The following DYTN variants were observed in gnomAD, a reference collection of about 807,000 sequenced individuals.
The protein encoded by DYTN is dystrotelin.
Under a neutral mutation model 69.6 loss-of-function variants are expected in DYTN, and 75 were observed. The observed-to-expected ratio is 1.08, with a 90% confidence interval of 0.89 to 1.31. The LOEUF is 1.31. DYTN is among the 50% of genes most tolerant of loss of function. The pLI is 0.00. For synonymous variants in DYTN, 252 were observed against 249.1 expected, an observed-to-expected ratio of 1.01 and a Z score of -0.11; for missense variants, 726 against 688.4, an observed-to-expected ratio of 1.05 and a Z score of -0.61.
At chr2:206,660,878 C>T (rs183275249) in intron 11 of DYTN, among the ~76,000 whole-genome samples, 1 of 152,196 alleles carries the variant, frequency 6.6e-6, no homozygotes, top group East Asian at 1.9e-4. Context: ...GGTTTATAGC[C>T]CTCCAACACT....
intron 9 of DYTN, among the ~76,000 whole-genome samples, chr2:206,667,450 T>C (rs1016322857): frequency 8.5e-5 from 13 of 152,160 alleles, no homozygotes; most frequent in African/African-American, 3.1e-4. Context: ...ACTGCCCTAC[T>C]TGAATACAAA....
intron 9 of DYTN, among the ~76,000 whole-genome samples, chr2:206,669,813 A>G (rs1248506842): frequency 6.6e-6 from 1 of 152,128 alleles, no homozygotes; most frequent in East Asian, 1.9e-4. Context: ...GTGTTTATTG[A>G]ACTCCTTTTC....
chr2:206,673,771 G>A (rs1013602958), intron 9 of DYTN, among the ~76,000 whole-genome samples: 6 of 152,156 alleles, frequency 3.9e-5, no homozygotes, highest in African/African-American at 9.7e-5. Context: ...GTCCGCTAAC[G>A]TGGTAAACAA....
chr2:206,704,819 A>T, intron 5 of DYTN, 24 bp downstream of exon 5: 1 of 1,590,032 alleles, frequency 6.3e-7, no homozygotes, highest in Admixed American at 1.7e-5. Context: ...ACAAATGTAC[A>T]GTTCTTAAGT....
At chr2:206,714,396 G>T (rs1407668238) in intron 1 of DYTN, among the ~76,000 whole-genome samples, 2 of 152,096 alleles carry the variant, frequency 1.3e-5, no homozygotes, top group Non-Finnish European at 2.9e-5. Context: ...TAGAGACAGG[G>T]TTTCACCGTG....
rs190783443 is a variant in DYTN, at chr2:206,680,533, T to A, written c.980+12642A>T. Among the ~76,000 whole-genome samples the A allele has an allele frequency of 2.0e-5, 3 of 152,336 alleles. No homozygotes were observed. In the East Asian group the frequency reaches 5.8e-4, roughly 29 times the overall value. On this transcript the variant is annotated intron_variant, in intron 9 of 11. Transcript: ENST00000452335. ...GCTACTTGCTTTTTTCTCTGATGCA[T>A]GATGGTGAATTCCTTCCAGTATAGT...
intron 1 of DYTN, among the ~76,000 whole-genome samples, chr2:206,711,033 T>C (rs911329235): frequency 1.3e-5 from 2 of 152,248 alleles, no homozygotes; most frequent in Non-Finnish European, 2.9e-5. Flanking sequence ...GCCCTTAGTA[T>C]ATGGCCCTGG....
intron 2 of DYTN, among the ~76,000 whole-genome samples, 173 bp downstream of exon 2, chr2:206,710,351 G>T (rs998523182): frequency 1.3e-5 from 2 of 152,168 alleles, no homozygotes; most frequent in African/African-American, 4.8e-5. Context: ...TTGCCTGCAC[G>T]TGATGTTTTC....
intron 9 of DYTN, among the ~76,000 whole-genome samples, chr2:206,685,491 T>C (rs1342535170): frequency 6.6e-6 from 1 of 152,158 alleles, no homozygotes; most frequent in Non-Finnish European, 1.5e-5. Context: ...AACCTGTTAA[T>C]TGTGGACCAA....
intron 9 of DYTN, among the ~76,000 whole-genome samples, chr2:206,691,602 A>T (rs1699863645): frequency 6.6e-6 from 1 of 152,136 alleles, no homozygotes; most frequent in South Asian, 2.1e-4. Flanking sequence ...TTTATTTTTA[A>T]ATTTAAATTC....
At chr2:206,692,617 G>A (rs1455571658) in intron 9 of DYTN, among the ~76,000 whole-genome samples, 1 of 152,162 alleles carries the variant, frequency 6.6e-6, no homozygotes, top group Non-Finnish European at 1.5e-5. Context: ...GTTCAATAAT[G>A]TATTGCTTGT....
intron 9 of DYTN, among the ~76,000 whole-genome samples, chr2:206,685,992 A>G (rs956648517): frequency 6.6e-5 from 10 of 151,962 alleles, no homozygotes; most frequent in Non-Finnish European, 1.2e-4. Flanking sequence ...TGCGGAAAAA[A>G]AAAAAAAAAG....
Position 206,694,824 on chromosome 2 carries a change from G to A in DYTN, c.773C>T (p.Ser258Phe), listed in dbSNP as rs1352011179. ...CTGATGGGACTTGCTGTGAAGACCA[G>A]ATAAGAAACACATCTGGCAGATGTC... is the stretch of plus-strand genomic sequence containing the variant. ...NFDICQMCFL[S>F]GLHSKSHQKS... is the part of the protein sequence containing the mutation. The change falls in exon 8 of 12, where the codon TCT (serine) becomes TTT (phenylalanine). Residue 258 changes from serine to phenylalanine, a missense_variant. By Grantham distance (155) the Ser-to-Phe change is radical. Transcript: ENST00000452335. The A allele has an allele frequency of 1.2e-6, 2 of 1,609,692 alleles. No homozygotes were observed. The highest frequency in any genetic ancestry group is 1.7e-6 in the Non-Finnish European group (2 of 1,178,640).
At chr2:206,697,542 A>G (rs1413768097) in intron 7 of DYTN, among the ~76,000 whole-genome samples, 1 of 152,218 alleles carries the variant, frequency 6.6e-6, no homozygotes, top group Non-Finnish European at 1.5e-5. Flanking sequence ...ACATAAGTTT[A>G]AAGTTAGGAT....
chr2:206,712,131 C>T, intron 1 of DYTN, among the ~76,000 whole-genome samples: 1 of 152,142 alleles, frequency 6.6e-6, no homozygotes, highest in Non-Finnish European at 1.5e-5. Flanking sequence ...GGTTCCTGAA[C>T]CAACCACAGC....
At chr2:206,652,276 C>T (rs1699396174) in intron 11 of DYTN, among the ~76,000 whole-genome samples, 1 of 152,108 alleles carries the variant, frequency 6.6e-6, no homozygotes, top group Non-Finnish European at 1.5e-5. Context: ...AGATTCTGTT[C>T]AGGTGGGACG....
intron 9 of DYTN, among the ~76,000 whole-genome samples, chr2:206,684,012 A>T (rs1699780591): frequency 6.6e-6 from 1 of 152,008 alleles, no homozygotes; most frequent in Non-Finnish European, 1.5e-5. Flanking sequence ...ATTCCTTTAT[A>T]TACCATTTCC....
At chr2:206,701,166 T>TCA (rs1238795586) in intron 5 of DYTN, 1 of 152,214 alleles carries the variant, frequency 6.6e-6, no homozygotes, top group East Asian at 1.9e-4. Context: ...CTGAGATAAC[T>TCA]CACTACCTTT....
chr2:206,709,556 C>G (rs1700060501), intron 2 of DYTN, among the ~76,000 whole-genome samples: 1 of 152,084 alleles, frequency 6.6e-6, no homozygotes, highest in South Asian at 2.1e-4. Flanking sequence ...TGAATCGTCC[C>G]ACCTTGCTTG....
Sources: gnomAD v4.1 joint callset for allele counts (sites outside exome capture counted in the v4.1 genomes callset) on GRCh38, gnomAD v4.1.1 for gene constraint, MANE v1.5 for transcripts, NCBI Gene and HGNC (gene_info 2026-07-23, HGNC 2026-07-21) for gene names.